COL1A1: variants seen among roughly 807,000 people sequenced by gnomAD.
The protein encoded by COL1A1 is collagen alpha-1(I) chain.
A neutral mutation model predicts 195.7 loss-of-function variants in COL1A1; 21 were observed. That is an observed-to-expected ratio of 0.11 (90% CI 0.08 to 0.15). The LOEUF (loss-of-function observed/expected upper bound fraction) is 0.15, where lower values mean the gene tolerates loss of function less well. Ranked by LOEUF, COL1A1 falls within the 10% of genes least tolerant of loss-of-function variation. The pLI is 1.00. For synonymous variants in COL1A1, 749 were observed against 747.3 expected, an observed-to-expected ratio of 1.00 and a Z score of -0.04; for missense variants, 1,365 against 2,051.0, an observed-to-expected ratio of 0.67 and a Z score of 6.46.
Position 50,195,807 on chromosome 17 carries a change from G to T in COL1A1, c.1056+116C>A. 1.5e-6 allele frequency: 2 copies of T among 1,361,988 alleles called. No homozygotes were observed. The highest frequency in any genetic ancestry group is 2.1e-6 in the Non-Finnish European group (2 of 974,570). The allele number at this position is 1,361,988 out of a possible 1,614,324, so 84.4% of individuals were successfully genotyped here. A position where few individuals can be genotyped will look rare whatever the true frequency, so the allele number is the denominator to read the frequency against. ...CAGAGACGGAGAACCCAGGACAAAG[G>T]TGTTAGTGAACGGGCTGCTCTCTTG... On this transcript the variant is annotated intron_variant, in intron 16 of 50. Transcript: ENST00000225964. The surrounding 1 kb of genome is among the most constrained non-coding windows in gnomAD (Gnocchi z 4.3).
chr17:50,194,955 G>A lies in COL1A1; in HGVS notation c.1353+92C>T. 1 of 1,478,968 alleles carries A rather than the reference G, an allele frequency of 6.8e-7. No homozygotes were observed. Among genetic ancestry groups the A allele is most frequent in the Admixed American group, 1.7e-5 (1 of 59,676 alleles). 91.6% of individuals were successfully genotyped at this position (1,478,968 alleles called of 1,614,324 possible). ...GGGTGTGGCAGGGACTCCCCCAGAA[G>A]ACTAGGGGCTCCTCTTCCTTTCTGG... is the stretch of plus-strand genomic sequence containing the variant. On this transcript the variant is annotated intron_variant, in intron 20 of 50. Coordinates refer to ENST00000225964, the MANE Select transcript of COL1A1 (RefSeq NM_000088.4). The surrounding 1 kb of genome is among the most constrained non-coding windows in gnomAD (Gnocchi z 6.8).
At position 50,194,786 on chromosome 17, in the gene COL1A1, C is replaced by G; in HGVS notation, c.1396G>C (p.Glu466Gln). 1 of 1,574,128 alleles carries G rather than the reference C, an allele frequency of 6.4e-7. No individual in the cohort carries two copies. The highest frequency in any genetic ancestry group is 8.6e-7 in the Non-Finnish European group (1 of 1,159,042). Reference sequence around the variant, plus strand: ...TCACCTCGAGCTCCTCGCTTTCCTTCCTCTCCAGCAGGGCCAGGGGGTCCT... The same window carrying G: ...TCACCTCGAGCTCCTCGCTTTCCTTGCTCTCCAGCAGGGCCAGGGGGTCCT... ...VQGPPGPAGE[E>Q]GKRGARGEPG... Residue 466 changes from glutamate (E) to glutamine (Q), a missense_variant, in exon 21 of 51, where the codon GAA (glutamate) becomes CAA (glutamine). Physicochemically the swap from Glu to Gln is conservative, Grantham distance 29 (BLOSUM62 2). Coordinates refer to ENST00000225964, the MANE Select transcript of COL1A1 (RefSeq NM_000088.4). The surrounding 1 kb of genome is among the most constrained non-coding windows in gnomAD (Gnocchi z 6.8).
At position 50,188,995 on chromosome 17, in the gene COL1A1, G is replaced by T. The variant is rs1301713479; in HGVS notation, c.2953C>A (p.Gln985Lys). ...LPGPSGEPGK[Q>K]GPSGASGERG... ...TCACCACTTGCTCCAGAGGGACCTT[G>T]TTTGCCAGGTTCACCCTAAGGGAGA... Residue 985 changes from glutamine to lysine, a missense_variant, in exon 41 of 51, where the codon CAA (glutamine) becomes AAA (lysine). Physicochemically the swap from Gln to Lys is moderately conservative, Grantham distance 53 (BLOSUM62 1). Transcript: ENST00000225964. The surrounding 1 kb of genome is among the most constrained non-coding windows in gnomAD (Gnocchi z 5.6). The T allele has an allele frequency of 1.2e-6, 2 of 1,612,514 alleles. No individual in the cohort carries two copies. Among genetic ancestry groups the T allele is most frequent in the Admixed American group, 1.7e-5 (1 of 59,976 alleles).
intron 15 of COL1A1, 53 bp downstream of exon 15, chr17:50,196,102 A>G: frequency 1.2e-6 from 2 of 1,612,590 alleles, no homozygotes; most frequent in Non-Finnish European, 8.5e-7. Context: ...CCAAGAGCAG[A>G]TACTGAGACC....
rs1907534941 is a variant in COL1A1, at chr17:50,195,851, G to A, written c.1056+72C>T. 2.0e-6 allele frequency: 3 copies of A among 1,530,612 alleles called. No individual in the cohort carries two copies. The highest frequency in any genetic ancestry group is 2.7e-5 in the African/African-American group (2 of 72,826). 94.8% of individuals were successfully genotyped at this position (1,530,612 alleles called of 1,614,324 possible). ...TCTCTTGCCACTCTGGGTCCCTTTGGTTTGGGGAACAGGGAGACATGAACC... is the reference window on the plus strand; with the variant it reads ...TCTCTTGCCACTCTGGGTCCCTTTGATTTGGGGAACAGGGAGACATGAACC... On this transcript the variant is annotated intron_variant, in intron 16 of 50. Coordinates refer to ENST00000225964, the MANE Select transcript of COL1A1 (RefSeq NM_000088.4). This position sits in a 1 kb window ranked among gnomAD's most constrained non-coding sequence, Gnocchi z 4.3.
chr17:50,188,941 G>A lies in COL1A1; in HGVS notation c.3007C>T (p.Pro1003Ser), dbSNP rs1191006638. Residue 1003 changes from proline to serine, a missense_variant, in exon 41 of 51, where the codon CCT (proline) becomes TCT (serine). Transcript: ENST00000225964. The surrounding 1 kb of genome is among the most constrained non-coding windows in gnomAD (Gnocchi z 5.6). Reference protein sequence around the residue: ...ERGPPGPMGPPGLAGPPGESG... With the variant: ...ERGPPGPMGPSGLAGPPGESG... Reference sequence around the variant, plus strand: ...TCACCAGGGGGTCCAGCCAATCCAGGGGGGCCCATGGGACCAGGGGGACCA... The same window carrying A: ...TCACCAGGGGGTCCAGCCAATCCAGAGGGGCCCATGGGACCAGGGGGACCA... 1 of 1,613,364 alleles carries A rather than the reference G, an allele frequency of 6.2e-7. No homozygotes were observed. The highest frequency in any genetic ancestry group is 8.5e-7 in the Non-Finnish European group (1 of 1,179,498).
Position 50,186,606 on chromosome 17 carries a change from T to C in COL1A1, c.3814+34A>G. On this transcript the variant is annotated intron_variant, in intron 48 of 50. Transcript: ENST00000225964. This position sits in a 1 kb window ranked among gnomAD's most constrained non-coding sequence, Gnocchi z 5.3. Reference sequence around the variant, plus strand: ...CATGGGGACCCTGGCATGGCAGGAGTAGGAGGGAGGGAGAGGCTAGGGCAG... The same window carrying C: ...CATGGGGACCCTGGCATGGCAGGAGCAGGAGGGAGGGAGAGGCTAGGGCAG... The C allele has an allele frequency of 6.2e-7, 1 of 1,610,890 alleles. No individual in the cohort carries two copies. Among genetic ancestry groups the C allele is most frequent in the Non-Finnish European group, 8.5e-7 (1 of 1,179,274 alleles).
chr17:50,188,802 A>AAT lies in COL1A1; in HGVS notation c.3046-8_3046-7insAT, dbSNP rs1906800859. 6.5e-7 allele frequency: 1 copy of AAT among 1,529,612 alleles called. No homozygotes were observed. Among genetic ancestry groups the AAT allele is most frequent in the Admixed American group, 1.7e-5 (1 of 58,600 alleles). 94.8% of individuals were successfully genotyped at this position (1,529,612 alleles called of 1,614,324 possible). A position where few individuals can be genotyped will look rare whatever the true frequency, so the allele number is the denominator to read the frequency against. On this transcript the variant is annotated splice_region_variant and splice_polypyrimidine_tract_variant and intron_variant, in intron 41 of 50. Coordinates refer to ENST00000225964, the MANE Select transcript of COL1A1 (RefSeq NM_000088.4). The surrounding 1 kb of genome is among the most constrained non-coding windows in gnomAD (Gnocchi z 5.6). Reference sequence around the variant, plus strand: ...CTTCGGCACCAGGAGCCCCCTGCAGAGAGAGAGAGAGAGAAGTGAGAGTCA... The same window carrying AAT: ...CTTCGGCACCAGGAGCCCCCTGCAGAATGAGAGAGAGAGAGAAGTGAGAGTCA...
chr17:50,186,403 C>T lies in COL1A1; in HGVS notation c.3919G>A (p.Val1307Met). The T allele has an allele frequency of 6.2e-7, 1 of 1,614,226 alleles. No homozygotes were observed. Among genetic ancestry groups the T allele is most frequent in the Non-Finnish European group, 8.5e-7 (1 of 1,180,050 alleles). The change falls in exon 49 of 51, where the codon GTG (valine) becomes ATG (methionine). Residue 1307 changes from valine to methionine, a missense_variant. By Grantham distance (21) the Val-to-Met change is conservative. Around this residue, in one of 5 missense-constraint regions of COL1A1, gnomAD observed 273 missense variants for 338.6 expected, o/e 0.81. Transcript: ENST00000225964. This position sits in a 1 kb window ranked among gnomAD's most constrained non-coding sequence, Gnocchi z 5.3. ...ETCVYPTQPS[V>M]AQKNWYISKN... ...CTGATGTACCAGTTCTTCTGGGCCA[C>T]ACTGGGCTGAGTGGGGTACACGCAG...
Position 50,185,943 on chromosome 17 carries a change from C to T in COL1A1, c.4083G>A (p.Glu1361=). 6.2e-7 allele frequency: 1 copy of T among 1,614,080 alleles called. No homozygotes were observed. The highest frequency in any genetic ancestry group is 1.1e-5 in the South Asian group (1 of 91,080). Residue 1361 remains glutamate (E), a synonymous_variant, in exon 50 of 51, where the codon GAG becomes GAA. Coordinates refer to ENST00000225964, the MANE Select transcript of COL1A1 (RefSeq NM_000088.4). ...AGTGGTAGGTGATGTTCTGGGAGGC[C>T]TCGGTGGACATCAGGCGCAGGAAGG... ...QLTFLRLMST[E]ASQNITYHCK... is the part of the protein sequence containing the mutation.
At chr17:50,199,514 T>A (rs1197914455) in intron 3 of COL1A1, 42 bp downstream of exon 3, 2 of 1,613,826 alleles carry the variant, frequency 1.2e-6, no homozygotes, top group South Asian at 2.2e-5. Flanking sequence ...CTGTGAGGAG[T>A]CACGGGCCGC....
At chr17:50,197,635 CTGAG>C (rs1298098286) in intron 9 of COL1A1, 93 bp downstream of exon 9, 2 of 1,030,204 alleles carry the variant, frequency 1.9e-6, no homozygotes, top group Admixed American at 2.3e-5. Flanking sequence ...CCTCCTTCCT[CTGAG>C]TATCGTTCCC....
At chr17:50,199,194 G>T in intron 5 of COL1A1, 32 bp downstream of exon 5, 1 of 1,436,564 alleles carries the variant, frequency 7.0e-7, no homozygotes, top group Non-Finnish European at 9.2e-7. Context: ...ACAAAACAGG[G>T]GAGAGTGGAC....
In COL1A1 at chr17:50,198,419, C is replaced by A; in HGVS notation, c.543+14G>T. 1 of 1,612,470 alleles carries A rather than the reference C, an allele frequency of 6.2e-7. No individual in the cohort carries two copies. Among genetic ancestry groups the A allele is most frequent in the Non-Finnish European group, 8.5e-7 (1 of 1,179,250 alleles). On this transcript the variant is annotated intron_variant, in intron 6 of 50. Coordinates refer to ENST00000225964, the MANE Select transcript of COL1A1 (RefSeq NM_000088.4). ...TTCTCTCTTCTGTCATCCATGCTCC[C>A]CCTGCTGGCTCACCATGGGGCCAGG... is the stretch of plus-strand genomic sequence containing the variant.
In COL1A1 at chr17:50,186,957, C is replaced by A. The variant is rs764530481; in HGVS notation, c.3532-35G>T. On this transcript the variant is annotated intron_variant, in intron 47 of 50. Transcript: ENST00000225964. This position sits in a 1 kb window ranked among gnomAD's most constrained non-coding sequence, Gnocchi z 5.3. ...GAGGGAAGAGAGTGGGGATTACCGG[C>A]ATCCAAGTGCTTTGGGGGCTGGAGG... The A allele has an allele frequency of 6.8e-6, 11 of 1,612,604 alleles. No individual in the cohort carries two copies. The highest frequency in any genetic ancestry group is 9.3e-6 in the Non-Finnish European group (11 of 1,179,162).
rs1282934020 is a variant in COL1A1, at chr17:50,198,693, G to A, written c.472-189C>T. 9.6e-6 allele frequency: 6 copies of A among 626,258 alleles called. No individual in the cohort carries two copies. The East Asian group carries it at 1.4e-4, about 15-fold the overall frequency. 38.8% of individuals were successfully genotyped at this position (626,258 alleles called of 1,614,324 possible). A position where few individuals can be genotyped will look rare whatever the true frequency, so the allele number is the denominator to read the frequency against. On this transcript the variant is annotated intron_variant, in intron 5 of 50. Coordinates refer to ENST00000225964, the MANE Select transcript of COL1A1 (RefSeq NM_000088.4). Reference sequence around the variant, plus strand: ...CTAATGAGACAATCCCAAATTGAGGGACAGTCTGCAAAACAACTGGACTCA... The same window carrying A: ...CTAATGAGACAATCCCAAATTGAGGAACAGTCTGCAAAACAACTGGACTCA...
chr17:50,195,287 C>T lies in COL1A1; in HGVS notation c.1244G>A (p.Arg415Gln), dbSNP rs779393629. The change falls in exon 19 of 51, where the codon CGA (arginine) becomes CAA (glutamine). Residue 415 changes from arginine to glutamine, a missense_variant. This residue lies in a region of COL1A1 where 226 missense variants were observed against 372.9 expected (regional missense o/e 0.61). Transcript: ENST00000225964. The surrounding 1 kb of genome is among the most constrained non-coding windows in gnomAD (Gnocchi z 4.3). ...GGGGCCCTGGGGTCCAGAGGGGCCT[C>T]GGGCACCAGGGAAGCCAGGAGCACC... Reference protein sequence around the residue: ...IAGAPGFPGARGPSGPQGPGG... With the variant: ...IAGAPGFPGAQGPSGPQGPGG... The T allele has an allele frequency of 6.8e-6, 11 of 1,613,426 alleles. 1 individual carries two copies. Among genetic ancestry groups the T allele is most frequent in the East Asian group, 2.2e-5 (1 of 44,868 alleles).
At position 50,196,477 on chromosome 17, in the gene COL1A1, C is replaced by T; in HGVS notation, c.903+7G>A. The T allele has an allele frequency of 6.2e-7, 1 of 1,614,226 alleles. No individual in the cohort carries two copies. Among genetic ancestry groups the T allele is most frequent in the Non-Finnish European group, 8.5e-7 (1 of 1,180,042 alleles). Reference sequence around the variant, plus strand: ...CATCCCTGCCCTCTGGAACTGGGCACACTCACCATCTGACCAGGAGCTCCA... The same window carrying T: ...CATCCCTGCCCTCTGGAACTGGGCATACTCACCATCTGACCAGGAGCTCCA... On this transcript the variant is annotated splice_region_variant and intron_variant, in intron 13 of 50. Coordinates refer to ENST00000225964, the MANE Select transcript of COL1A1 (RefSeq NM_000088.4).
At chr17:50,197,319 T>C (rs1907684064) in intron 9 of COL1A1, 86 bp from the exon 10 acceptor site, 1 of 1,401,354 alleles carries the variant, frequency 7.1e-7, no homozygotes, top group African/African-American at 1.4e-5. Flanking sequence ...TCAGTCTTCT[T>C]TGGATTGTTG....
Sources: gnomAD v4.1 joint callset for allele counts on GRCh38, gnomAD v4.1.1 for gene constraint, gnomAD v4.1.1 regional missense constraint, Gnocchi (gnomAD v3.1) non-coding constraint, MANE v1.5 for transcripts, NCBI Gene and HGNC (gene_info 2026-07-23, HGNC 2026-07-21) for gene names.